LHPP: variants seen among roughly 807,000 people sequenced by gnomAD.
LHPP encodes phospholysine phosphohistidine inorganic pyrophosphate phosphatase, also known as hLHPP.
A neutral mutation model predicts 30.3 loss-of-function variants in LHPP; 24 were observed. The observed-to-expected ratio is 0.79, with a 90% confidence interval of 0.57 to 1.11. The LOEUF (loss-of-function observed/expected upper bound fraction) is 1.11. Among genes scored for constraint, LHPP ranks in the 50% most tolerant of loss-of-function variants. The pLI is 0.00. For missense variants in LHPP, 356 were observed against 367.2 expected (o/e 0.97, Z 0.25); for synonymous variants, 150 against 157.1 (o/e 0.95, Z 0.34).
At chr10:124,604,392 G>A (rs113515214) in intron 6 of LHPP, among the ~76,000 whole-genome samples, 360 of 152,304 alleles carry the variant, frequency 2.4e-3, no homozygotes, top group African/African-American at 7.8e-3. Flanking sequence ...GAGGGTGGCC[G>A]TGCTGGGCCA....
chr10:124,470,690 T>A (rs1411611365), intron 1 of LHPP, among the ~76,000 whole-genome samples: 2 of 140,808 alleles, frequency 1.4e-5, no homozygotes, highest in Non-Finnish European at 3.2e-5. Context: ...ACAATAATAA[T>A]AATGTAGGCT....
At position 124,551,929 on chromosome 10, in the gene LHPP, G is replaced by A. The variant is rs559336791; in HGVS notation, c.716+34658G>A. 2.0e-3 allele frequency among the ~76,000 whole-genome samples: 301 copies of A among 152,090 alleles called. 1 individual carries two copies. The highest frequency in any genetic ancestry group is 7.0e-3 in the African/African-American group (291 of 41,438). ...CTACAGTGCTTTTCCACCAGGGACC[G>A]TGCTGAGGCCCAGGGCCCTGAGACC... On this transcript the variant is annotated intron_variant, in intron 6 of 6. Coordinates refer to ENST00000368842, the MANE Select transcript of LHPP (RefSeq NM_022126.4).
rs1954266911 is a variant in LHPP, at chr10:124,510,348, A to G, written c.625-6832A>G. Reference sequence around the variant, plus strand: ...GCGCACTTTGGTATGCGGAGCCCACAAGCTGGCCTGGACAGGCATCACTGC... The same window carrying G: ...GCGCACTTTGGTATGCGGAGCCCACGAGCTGGCCTGGACAGGCATCACTGC... On this transcript the variant is annotated intron_variant, in intron 5 of 6. Transcript: ENST00000368842. The surrounding 1 kb of genome is among the most constrained non-coding windows in gnomAD (Gnocchi z 4.0). 1.3e-5 allele frequency among the ~76,000 whole-genome samples: 2 copies of G among 152,156 alleles called. No homozygotes were observed. Among genetic ancestry groups the G allele is most frequent in the African/African-American group, 2.4e-5 (1 of 41,440 alleles).
At chr10:124,487,506 A>G (rs1347726683) in intron 2 of LHPP, among the ~76,000 whole-genome samples, 1 of 150,066 alleles carries the variant, frequency 6.7e-6, no homozygotes, top group Admixed American at 6.7e-5. Context: ...ACAGTGGTGC[A>G]ATCTCAGCCC....
intron 6 of LHPP, among the ~76,000 whole-genome samples, chr10:124,564,710 G>A (rs116654664): frequency 9.9e-4 from 151 of 152,334 alleles, no homozygotes; most frequent in African/African-American, 3.4e-3. Context: ...AGGGTAGGAT[G>A]TTGAGTCTGG....
chr10:124,466,030 C>T (rs186341020), intron 1 of LHPP, among the ~76,000 whole-genome samples: 27 of 152,170 alleles, frequency 1.8e-4, no homozygotes, highest in Admixed American at 1.6e-3. Flanking sequence ...CCAGTGGTTG[C>T]GCTTCTGAGA....
intron 6 of LHPP, among the ~76,000 whole-genome samples, chr10:124,575,385 G>A (rs117599649): frequency 1.1e-3 from 172 of 152,276 alleles, no homozygotes; most frequent in African/African-American, 3.9e-3. Flanking sequence ...GCTTCAGTGG[G>A]GGCGGAGGTA....
intron 1 of LHPP, among the ~76,000 whole-genome samples, chr10:124,476,905 C>T (rs79497706): frequency 6.6e-6 from 1 of 152,132 alleles, no homozygotes; most frequent in Admixed American, 6.6e-5. Flanking sequence ...CCAGAGGCCC[C>T]GTTATTAAAA....
At chr10:124,498,951 G>A (rs1467241702) in intron 5 of LHPP, among the ~76,000 whole-genome samples, 9 of 149,516 alleles carry the variant, frequency 6.0e-5, no homozygotes, top group African/African-American at 1.2e-4. Flanking sequence ...GCGCTGTCTC[G>A]GCTCACTGCA....
chr10:124,610,935 A>C (rs375401013), intron 6 of LHPP, among the ~76,000 whole-genome samples: 135 of 52,728 alleles, frequency 2.6e-3, no homozygotes, highest in African/African-American at 6.1e-3. Context: ...GGCGAGGGTG[A>C]GGGTGAGGGT....
chr10:124,522,057 T>C (rs569271110), intron 6 of LHPP, among the ~76,000 whole-genome samples: 46 of 152,274 alleles, frequency 3.0e-4, no homozygotes, highest in Admixed American at 1.4e-3. Flanking sequence ...TTGGGAGAGA[T>C]TGCAGGTGGC....
intron 5 of LHPP, among the ~76,000 whole-genome samples, chr10:124,499,326 C>T (rs1483105844): frequency 2.0e-5 from 3 of 151,830 alleles, no homozygotes; most frequent in African/African-American, 7.3e-5. Flanking sequence ...CAGCCCCCTC[C>T]AGCAGGTTTT....
rs913654870 is a variant in LHPP, at chr10:124,523,650, CA to C, written c.716+6380del. ...CATGTCAAAGTGAGTGGCTAGCAAG[CA>C]GGGGGGTCCAGGCTGTGGTGGCCCT... On this transcript the variant is annotated intron_variant, in intron 6 of 6. Coordinates refer to ENST00000368842, the MANE Select transcript of LHPP (RefSeq NM_022126.4). This position sits in a 1 kb window ranked among gnomAD's most constrained non-coding sequence, Gnocchi z 4.2. Among the ~76,000 whole-genome samples the C allele has an allele frequency of 2.0e-5, 3 of 152,168 alleles. No homozygotes were observed. Among genetic ancestry groups the C allele is most frequent in the African/African-American group, 7.2e-5 (3 of 41,436 alleles).
intron 6 of LHPP, among the ~76,000 whole-genome samples, chr10:124,564,352 T>C (rs1341946433): frequency 6.6e-6 from 1 of 152,164 alleles, no homozygotes; most frequent in Non-Finnish European, 1.5e-5. Context: ...CTCAATCTCC[T>C]GATCTCGTGA....
chr10:124,491,936 CAAA>C (rs1297761426), intron 3 of LHPP, among the ~76,000 whole-genome samples: 11 of 152,280 alleles, frequency 7.2e-5, no homozygotes, highest in Admixed American at 2.0e-4. Flanking sequence ...AAAAAAACAA[CAAA>C]ACCTTAAATG....
intron 5 of LHPP, among the ~76,000 whole-genome samples, chr10:124,511,609 C>T (rs1954299841): frequency 6.6e-6 from 1 of 152,174 alleles, no homozygotes; most frequent in South Asian, 2.1e-4. Context: ...CTGAGGGAGG[C>T]CCCTCTGGCC....
In LHPP at chr10:124,592,623, G is replaced by A. The variant is rs1268485217; in HGVS notation, c.717-20641G>A. Among the ~76,000 whole-genome samples the A allele has an allele frequency of 1.3e-5, 2 of 152,240 alleles. No homozygotes were observed. The highest frequency in any genetic ancestry group is 6.5e-5 in the Admixed American group (1 of 15,292). ...AACCACCACCATGCCCATGGCTGGT[G>A]CCCAGGAGGTGGGAGCTGTGGAGCT... On this transcript the variant is annotated intron_variant, in intron 6 of 6. Transcript: ENST00000368842. This position sits in a 1 kb window ranked among gnomAD's most constrained non-coding sequence, Gnocchi z 6.2.
chr10:124,476,388 C>T (rs534849157), intron 1 of LHPP, among the ~76,000 whole-genome samples: 1 of 152,330 alleles, frequency 6.6e-6, no homozygotes, highest in East Asian at 1.9e-4. Flanking sequence ...GTGCCCTGTG[C>T]CAGGGGCCCG....
At chr10:124,604,522 C>T (rs1235871473) in intron 6 of LHPP, among the ~76,000 whole-genome samples, 1 of 152,186 alleles carries the variant, frequency 6.6e-6, no homozygotes, top group African/African-American at 2.4e-5. Flanking sequence ...GCAGACCTCC[C>T]AGCTGCATCC....
Sources: allele counts gnomAD v4.1 joint callset (sites outside exome capture counted in the v4.1 genomes callset), GRCh38; gene constraint gnomAD v4.1.1; non-coding constraint Gnocchi (gnomAD v3.1); transcripts MANE v1.5; gene names NCBI Gene and HGNC (gene_info 2026-07-23, HGNC 2026-07-21).